The following CORIN variants were observed in gnomAD, a reference collection of about 807,000 sequenced individuals.
CORIN encodes the protein corin, serine peptidase.
In CORIN, 117 loss-of-function variants were observed where a neutral mutation model predicts 125.3. The observed-to-expected ratio is 0.93, with a 90% CI of 0.80 to 1.09. The LOEUF is 1.09. Ranked by LOEUF, CORIN falls within the 50% of genes least tolerant of loss-of-function variation. CORIN has a pLI of 0.00. For missense variants in CORIN, 1,253 were observed against 1,306.7 expected (o/e 0.96, Z 0.63); for synonymous variants, 450 against 466.4 (o/e 0.96, Z 0.45).
At chr4:47,804,277 C>A (rs1270675255) in intron 2 of CORIN, among the ~76,000 whole-genome samples, 1 of 152,140 alleles carries the variant, frequency 6.6e-6, no homozygotes, top group African/African-American at 2.4e-5. Context: ...TTAGTACAAC[C>A]ACTATAAAGA....
chr4:47,750,029 A>T (rs187842207), intron 4 of CORIN, among the ~76,000 whole-genome samples: 25 of 152,294 alleles, frequency 1.6e-4, no homozygotes, highest in Admixed American at 1.2e-3. Flanking sequence ...TGCCTATCTG[A>T]CCTCCTTGCA....
rs1721948900 is a variant in CORIN, at chr4:47,613,520, G to A, written c.2541-9852C>T. ...AGAAAGGCATGAAATCAAAGTAATT[G>A]CAGCATTATTCACAATAGCAAAGAC... is the stretch of plus-strand genomic sequence containing the variant. On this transcript the variant is annotated intron_variant, in intron 19 of 21. Coordinates refer to ENST00000273857, the MANE Select transcript of CORIN (RefSeq NM_006587.4). Among the ~76,000 whole-genome samples, 4 of 152,064 alleles carry A rather than the reference G, an allele frequency of 2.6e-5. No individual in the cohort carries two copies. In the South Asian group the frequency reaches 8.3e-4, roughly 31 times the overall value.
Position 47,623,289 on chromosome 4 carries a change from A to G in CORIN, c.2540+282T>C, listed in dbSNP as rs181312364. ...TATGTGATATATTTAAGAGGTCTAG[A>G]AAAGAGACTAATAGTAGCATAGAGT... On this transcript the variant is annotated intron_variant, in intron 19 of 21. Coordinates refer to ENST00000273857, the MANE Select transcript of CORIN (RefSeq NM_006587.4). Among the ~76,000 whole-genome samples, 238 of 152,212 alleles carry G rather than the reference A, an allele frequency of 1.6e-3. 1 individual carries two copies. The highest frequency in any genetic ancestry group is 5.3e-3 in the African/African-American group (221 of 41,514).
intron 3 of CORIN, among the ~76,000 whole-genome samples, chr4:47,764,575 A>G (rs951630312): frequency 2.6e-5 from 4 of 152,230 alleles, no homozygotes; most frequent in African/African-American, 9.6e-5. Flanking sequence ...ATGAAATCAT[A>G]TCTATATTAT....
chr4:47,635,517 GT>G (rs1338001485), intron 16 of CORIN, among the ~76,000 whole-genome samples: 6 of 152,296 alleles, frequency 3.9e-5, no homozygotes, highest in African/African-American at 1.2e-4. Context: ...AGTTTGAAAT[GT>G]TTTATGCTTG....
intron 19 of CORIN, among the ~76,000 whole-genome samples, chr4:47,617,786 G>A (rs17601068): frequency 0.11 from 16,742 of 152,170 alleles, 1,350 homozygotes; most frequent in East Asian, 0.47. Flanking sequence ...GACACAGCAT[G>A]AGCTCAGTAA....
At chr4:47,636,991 T>G (rs1723051045) in intron 16 of CORIN, among the ~76,000 whole-genome samples, 1 of 152,182 alleles carries the variant, frequency 6.6e-6, no homozygotes, top group Non-Finnish European at 1.5e-5. Context: ...CTAGTTGAAT[T>G]GCTTTGATCA....
At chr4:47,618,831 A>G (rs1388513676) in intron 19 of CORIN, among the ~76,000 whole-genome samples, 2 of 149,390 alleles carry the variant, frequency 1.3e-5, no homozygotes, top group African/African-American at 4.9e-5. Flanking sequence ...AAAAAAAAAA[A>G]GAAAGAAAAA....
In CORIN at chr4:47,786,835, T is replaced by C; in HGVS notation, c.299A>G (p.Asn100Ser). 1 of 1,613,998 alleles carries C rather than the reference T, an allele frequency of 6.2e-7. No individual in the cohort carries two copies. The highest frequency in any genetic ancestry group is 8.5e-7 in the Non-Finnish European group (1 of 1,179,892). Residue 100 changes from asparagine (N) to serine (S), a missense_variant, in exon 3 of 22, where the codon AAT becomes AGT. By Grantham distance (46) the Asn-to-Ser change is conservative. Coordinates refer to ENST00000273857, the MANE Select transcript of CORIN (RefSeq NM_006587.4). ...CACAGTGCTCTGGTTATAAATTGTA[T>C]TTGTAAGAATAACATCGGACCCTTG... Reference protein sequence around the residue: ...EIQGSDVILTNTIYNQSTVVS... With the variant: ...EIQGSDVILTSTIYNQSTVVS...
At chr4:47,746,356 C>A (rs925283411) in intron 4 of CORIN, among the ~76,000 whole-genome samples, 1 of 152,140 alleles carries the variant, frequency 6.6e-6, no homozygotes, top group South Asian at 2.1e-4. Context: ...TATTACTAAT[C>A]CCCAATATAC....
chr4:47,750,839 AG>A (rs1407868924), intron 4 of CORIN, among the ~76,000 whole-genome samples: 2 of 152,208 alleles, frequency 1.3e-5, no homozygotes, highest in Non-Finnish European at 2.9e-5. Context: ...GGGAAGAGTT[AG>A]GATGGAGGAG....
At chr4:47,634,210 A>G (rs1200070514) in intron 16 of CORIN, among the ~76,000 whole-genome samples, 1 of 152,144 alleles carries the variant, frequency 6.6e-6, no homozygotes, top group African/African-American at 2.4e-5. Flanking sequence ...AGGAGGGCAA[A>G]GGGGATGGCA....
At chr4:47,741,317 C>T (rs898605052) in intron 5 of CORIN, among the ~76,000 whole-genome samples, 1 of 152,000 alleles carries the variant, frequency 6.6e-6, no homozygotes, top group Non-Finnish European at 1.5e-5. Flanking sequence ...ATGGCTAACA[C>T]TAACAAGCAC....
At chr4:47,711,137 C>G (rs1726820710) in intron 5 of CORIN, among the ~76,000 whole-genome samples, 2 of 152,196 alleles carry the variant, frequency 1.3e-5, no homozygotes, top group Admixed American at 6.5e-5. Context: ...CAGTACCCCT[C>G]AAACCTGACC....
At chr4:47,690,319 A>G (rs1436841151) in intron 6 of CORIN, among the ~76,000 whole-genome samples, 2 of 152,244 alleles carry the variant, frequency 1.3e-5, no homozygotes, top group Non-Finnish European at 2.9e-5. Context: ...AATCATGGGC[A>G]AATTTATTCA....
chr4:47,757,900 A>ATATATATATATATATATG (rs1560535480), intron 4 of CORIN, among the ~76,000 whole-genome samples: 3 of 144,242 alleles, frequency 2.1e-5, no homozygotes, highest in East Asian at 2.0e-4. Context: ...ATATATATAT[A>ATATATATATATATATATG]TATATACACA....
rs527442247 is a variant in CORIN, at chr4:47,816,681, A to G, written c.64-9634T>C. Among the ~76,000 whole-genome samples the G allele has an allele frequency of 2.0e-5, 3 of 152,318 alleles. No individual in the cohort carries two copies. In the South Asian group the frequency reaches 6.2e-4, roughly 32 times the overall value. On this transcript the variant is annotated intron_variant, in intron 1 of 21. Coordinates refer to ENST00000273857, the MANE Select transcript of CORIN (RefSeq NM_006587.4). Reference sequence around the variant, plus strand: ...TTTATTCCAATGAGCCTCAAAGCACATGTCTGTTGGTTGAAGGAGGAGGGG... The same window carrying G: ...TTTATTCCAATGAGCCTCAAAGCACGTGTCTGTTGGTTGAAGGAGGAGGGG...
chr4:47,661,219 G>C (rs971059559), intron 12 of CORIN, among the ~76,000 whole-genome samples: 2 of 152,048 alleles, frequency 1.3e-5, no homozygotes, highest in Non-Finnish European at 2.9e-5. Flanking sequence ...TGGTTAATTG[G>C]TACAGAAATA....
intron 2 of CORIN, among the ~76,000 whole-genome samples, chr4:47,805,680 A>G (rs1731762359): frequency 1.3e-5 from 2 of 152,204 alleles, no homozygotes; most frequent in Admixed American, 1.3e-4. Flanking sequence ...AATCATTTTT[A>G]TAGCAGATCA....
Sources: gnomAD v4.1 joint callset for allele counts (sites outside exome capture counted in the v4.1 genomes callset) on GRCh38, gnomAD v4.1.1 for gene constraint, MANE v1.5 for transcripts, NCBI Gene and HGNC (gene_info 2026-07-23, HGNC 2026-07-21) for gene names.